The following SMAD6 variants were observed in gnomAD, a reference collection of about 807,000 sequenced individuals.
The protein encoded by SMAD6 is SMAD family member 6.
SMAD6 carries 103 observed loss-of-function variants against 39.4 expected under a neutral mutation model. That is an observed-to-expected ratio of 2.62 (90% CI 2.23 to 3.08). SMAD6 has a LOEUF of 3.08. Ranked by LOEUF, SMAD6 falls within the 30% of genes most tolerant of loss-of-function variation. SMAD6 has a pLI of 0.00. For synonymous variants in SMAD6, 445 were observed against 353.3 expected (o/e 1.26, Z -2.91); for missense variants, 1,104 against 742.9 (o/e 1.49, Z -5.65).
chr15:66,738,438 G>C (rs1893752179), intron 3 of SMAD6, among the ~76,000 whole-genome samples: 2 of 152,176 alleles, frequency 1.3e-5, no homozygotes, highest in Admixed American at 1.3e-4. Flanking sequence ...GGTTGTGAGA[G>C]GAGTGTCAAC....
chr15:66,751,647 G>A (rs1436483921), intron 3 of SMAD6, among the ~76,000 whole-genome samples: 1 of 152,228 alleles, frequency 6.6e-6, no homozygotes, highest in Non-Finnish European at 1.5e-5. Flanking sequence ...TGGTGGGGAG[G>A]AGGTGACTGG....
At chr15:66,778,158 C>T (rs762338172) in intron 3 of SMAD6, among the ~76,000 whole-genome samples, 1 of 151,816 alleles carries the variant, frequency 6.6e-6, no homozygotes, top group African/African-American at 2.4e-5. Context: ...TGACTGTTCC[C>T]GGTAGCTTCA....
intron 2 of SMAD6, among the ~76,000 whole-genome samples, chr15:66,714,745 C>T (rs1163100757): frequency 1.3e-5 from 2 of 152,210 alleles, no homozygotes; most frequent in Non-Finnish European, 2.9e-5. Flanking sequence ...CATTGAGACA[C>T]TGTCCAGGGC....
At position 66,715,641 on chromosome 15, in the gene SMAD6, G is replaced by A. The variant is rs74879288; in HGVS notation, c.875-780G>A. On this transcript the variant is annotated intron_variant, in intron 2 of 3. Transcript: ENST00000288840. Reference sequence around the variant, plus strand: ...AAGTCGGCCTGTCCCAAAAGGCATCGGCTTGTCAAACTAGCAGCTCAGTGT... The same window carrying A: ...AAGTCGGCCTGTCCCAAAAGGCATCAGCTTGTCAAACTAGCAGCTCAGTGT... 8.3e-3 allele frequency among the ~76,000 whole-genome samples: 1,267 copies of A among 152,240 alleles called. 20 individuals are homozygous for A. Among genetic ancestry groups the A allele is most frequent in the African/African-American group, 0.029 (1,218 of 41,536 alleles).
chr15:66,720,413 G>A (rs1595768656), intron 3 of SMAD6, among the ~76,000 whole-genome samples: 1 of 152,140 alleles, frequency 6.6e-6, no homozygotes, highest in African/African-American at 2.4e-5. Flanking sequence ...CTGGGTGAGG[G>A]AAGGAGCCCT....
chr15:66,769,920 C>T (rs1056502871), intron 3 of SMAD6, among the ~76,000 whole-genome samples: 7 of 152,132 alleles, frequency 4.6e-5, no homozygotes, highest in Non-Finnish European at 7.4e-5. Flanking sequence ...CTCTACCTCC[C>T]GGGTTCAAGC....
chr15:66,703,676 G>T lies in SMAD6; in HGVS notation c.418G>T (p.Asp140Tyr), dbSNP rs1893033641. The T allele has an allele frequency of 8.1e-7, 1 of 1,233,282 alleles. No homozygotes were observed. The highest frequency in any genetic ancestry group is 1.6e-5 in the African/African-American group (1 of 63,278). 76.4% of individuals were successfully genotyped at this position (1,233,282 alleles called of 1,614,324 possible). Residue 140 changes from aspartate to tyrosine, a missense_variant, in exon 1 of 4, where the codon GAC becomes TAC. Transcript: ENST00000288840. ...SERDAAGAPR[D>Y]ASDPLAGAAL... ...GCGGGACGCCGCCGGCGCGCCCCGG[G>T]ACGCCAGCGACCCCCTGGCCGGGGC...
At chr15:66,765,324 A>C (rs908229618) in intron 3 of SMAD6, among the ~76,000 whole-genome samples, 1 of 152,112 alleles carries the variant, frequency 6.6e-6, no homozygotes, top group African/African-American at 2.4e-5. Flanking sequence ...CCTGGGTTCA[A>C]GTGATTCTCC....
In SMAD6 at chr15:66,769,151, C is replaced by T. The variant is rs534518037; in HGVS notation, c.953-11846C>T. On this transcript the variant is annotated intron_variant, in intron 3 of 3. Coordinates refer to ENST00000288840, the MANE Select transcript of SMAD6 (RefSeq NM_005585.5). Reference sequence around the variant, plus strand: ...AAGCCCTTCTCGAAAACCCCTTAACCTGTGAGTTAGGTAATCACCTAGAGG... The same window carrying T: ...AAGCCCTTCTCGAAAACCCCTTAACTTGTGAGTTAGGTAATCACCTAGAGG... Among the ~76,000 whole-genome samples, 3 of 152,282 alleles carry T rather than the reference C, an allele frequency of 2.0e-5. No homozygotes were observed. In the South Asian group the frequency reaches 6.2e-4, roughly 32 times the overall value.
chr15:66,722,881 G>C (rs2439393), intron 3 of SMAD6, among the ~76,000 whole-genome samples: 30,601 of 151,860 alleles, frequency 0.2, 3,327 homozygotes, highest in African/African-American at 0.3. Flanking sequence ...GGGATGGTGG[G>C]CAGTGTGCCA....
rs57053370 is a variant in SMAD6 at position 66,718,111 on chromosome 15, C to CGTGTGTGTGTGTGTGTGTGTGTGT, written c.952+1630_952+1653dup. ...TCCCTATTGTTAATGATGGAAAGTC[C>CGTGTGTGTGTGTGTGTGTGTGTGT]GTGTGTGTGTGTGTGTGTGTGTGTG... is the stretch of plus-strand genomic sequence containing the variant. On this transcript the variant is annotated intron_variant, in intron 3 of 3. Transcript: ENST00000288840. 6.2e-4 allele frequency among the ~76,000 whole-genome samples: 85 copies of CGTGTGTGTGTGTGTGTGTGTGTGT among 137,252 alleles called. 2 individuals carry two copies. Among genetic ancestry groups the CGTGTGTGTGTGTGTGTGTGTGTGT allele is most frequent in the African/African-American group, 2.3e-3 (80 of 35,026 alleles). 90.0% of individuals were successfully genotyped at this position (137,252 alleles called of 152,430 possible). A position where few individuals can be genotyped will look rare whatever the true frequency, so the allele number is the denominator to read the frequency against.
At chr15:66,714,151 G>A (rs1320408394) in intron 2 of SMAD6, among the ~76,000 whole-genome samples, 2 of 152,180 alleles carry the variant, frequency 1.3e-5, no homozygotes, top group South Asian at 2.1e-4. Flanking sequence ...GAATGTCAAG[G>A]ATCATCGCCC....
chr15:66,757,197 C>CTG (rs1894116416), intron 3 of SMAD6, among the ~76,000 whole-genome samples: 1 of 152,138 alleles, frequency 6.6e-6, no homozygotes, highest in Non-Finnish European at 1.5e-5. Context: ...ACACAGCAGA[C>CTG]GTCCAGGGAA....
intron 3 of SMAD6, among the ~76,000 whole-genome samples, chr15:66,724,309 T>TGAATGAAA (rs1893484249): frequency 6.6e-6 from 1 of 151,548 alleles, no homozygotes; most frequent in African/African-American, 2.4e-5. Context: ...AATGAATGAA[T>TGAATGAAA]GAAAATGAAT....
At chr15:66,709,992 C>T (rs1016555314) in intron 1 of SMAD6, among the ~76,000 whole-genome samples, 4 of 152,172 alleles carry the variant, frequency 2.6e-5, no homozygotes, top group Admixed American at 1.3e-4. Context: ...ATTTAGTGAG[C>T]GCGTTCTGTG....
intron 3 of SMAD6, among the ~76,000 whole-genome samples, chr15:66,769,727 G>A (rs977264767): frequency 3.9e-5 from 6 of 152,166 alleles, no homozygotes; most frequent in Non-Finnish European, 8.8e-5. Flanking sequence ...AAGGCAGGAG[G>A]TTTGCCAATA....
At chr15:66,748,033 C>T (rs1893937215) in intron 3 of SMAD6, among the ~76,000 whole-genome samples, 2 of 152,272 alleles carry the variant, frequency 1.3e-5, no homozygotes, top group Non-Finnish European at 1.5e-5. Flanking sequence ...TCATGAGCCT[C>T]CCTGGGCTCC....
intron 1 of SMAD6, chr15:66,706,389 T>G (rs1490328757): frequency 6.6e-6 from 1 of 152,340 alleles, no homozygotes; most frequent in Admixed American, 6.5e-5. Flanking sequence ...GCTGCTAGCC[T>G]GTGGGGCCCC....
chr15:66,704,233 G>C (rs954723352), intron 1 of SMAD6, 158 bp downstream of exon 1: 8 of 463,364 alleles, frequency 1.7e-5, no homozygotes, highest in Middle Eastern at 5.8e-4. Context: ...CAGACCGGCC[G>C]AGGGGAGTGG....
Sources: allele counts gnomAD v4.1 joint callset (sites outside exome capture counted in the v4.1 genomes callset), GRCh38; gene constraint gnomAD v4.1.1; transcripts MANE v1.5; gene names NCBI Gene and HGNC (gene_info 2026-07-23, HGNC 2026-07-21).